The following ARSB variants were observed in gnomAD, a reference collection of about 807,000 sequenced individuals.
The protein encoded by ARSB is arylsulfatase B, also known as N-acetylgalactosamine-4-sulfatase.
Under a neutral mutation model 50.9 loss-of-function variants are expected in ARSB, and 41 were observed. The ratio of observed to expected loss-of-function variants is 0.81; its 90% CI spans 0.63 to 1.04. The LOEUF is 1.04. Ranked by LOEUF, ARSB falls within the 50% of genes least tolerant of loss-of-function variation. The pLI is 0.00. For synonymous variants in ARSB, 269 were observed against 284.8 expected, an observed-to-expected ratio of 0.94 and a Z score of 0.56; for missense variants, 672 against 693.3, an observed-to-expected ratio of 0.97 and a Z score of 0.35.
chr5:78,787,013 T>C (rs1286995339), intron 6 of ARSB, among the ~76,000 whole-genome samples: 1 of 152,206 alleles, frequency 6.6e-6, no homozygotes, highest in East Asian at 1.9e-4. Flanking sequence ...CAAAACCCAA[T>C]TGACCATAAG....
intron 4 of ARSB, among the ~76,000 whole-genome samples, chr5:78,932,057 T>G (rs1056436608): frequency 6.6e-6 from 1 of 152,214 alleles, no homozygotes; most frequent in Non-Finnish European, 1.5e-5. Context: ...CAGGTATTTC[T>G]TTATAGCAGT....
chr5:78,813,427 C>A lies in ARSB; in HGVS notation c.1213+25929G>T, dbSNP rs186151185. 1.4e-3 allele frequency among the ~76,000 whole-genome samples: 213 copies of A among 152,294 alleles called. 1 individual carries two copies. The highest frequency in any genetic ancestry group is 5.0e-3 in the African/African-American group (206 of 41,540). ...ATACAAATTAAACATGAGATATAAT[C>A]TCTACCTGAAGTCATATAGCATTTA... is the stretch of plus-strand genomic sequence containing the variant. On this transcript the variant is annotated intron_variant, in intron 6 of 7. Coordinates refer to ENST00000264914, the MANE Select transcript of ARSB (RefSeq NM_000046.5).
intron 4 of ARSB, among the ~76,000 whole-genome samples, chr5:78,922,578 C>T (rs779889761): frequency 1.1e-4 from 16 of 151,838 alleles, no homozygotes; most frequent in East Asian, 3.9e-4. Context: ...AGGCCTTGAA[C>T]GGGATTCAGA....
intron 4 of ARSB, among the ~76,000 whole-genome samples, chr5:78,898,418 T>C (rs930110020): frequency 6.6e-6 from 1 of 152,300 alleles, no homozygotes; most frequent in South Asian, 2.1e-4. Context: ...TCCCAACTTA[T>C]TCTATGAGGC....
chr5:78,905,344 G>GTTTTTTTTTTTTTTTTTTTTTTTT lies in ARSB; in HGVS notation c.899-19518_899-19517insAAAAAAAAAAAAAAAAAAAAAAAA, dbSNP rs60622885. ...CCTTGAGTACTGCTCGTATTTTCCT[G>GTTTTTTTTTTTTTTTTTTTTTTTT]TTTTTTTTTTTTTGTATAATGAGTA... On this transcript the variant is annotated intron_variant, in intron 4 of 7. Transcript: ENST00000264914. Among the ~76,000 whole-genome samples the GTTTTTTTTTTTTTTTTTTTTTTTT allele has an allele frequency of 5.4e-5, 7 of 130,554 alleles. 2 individuals are homozygous for GTTTTTTTTTTTTTTTTTTTTTTTT. Among genetic ancestry groups the GTTTTTTTTTTTTTTTTTTTTTTTT allele is most frequent in the Non-Finnish European group, 4.8e-5 (3 of 62,444 alleles). The allele number at this position is 130,554 out of a possible 152,430, so 85.6% of individuals were successfully genotyped here. A position where few individuals can be genotyped will look rare whatever the true frequency, so the allele number is the denominator to read the frequency against.
intron 3 of ARSB, among the ~76,000 whole-genome samples, chr5:78,956,175 A>G (rs186824862): frequency 6.6e-6 from 1 of 152,376 alleles, no homozygotes; most frequent in East Asian, 1.9e-4. Flanking sequence ...ATTTTCAGCA[A>G]CATATGGCAA....
At chr5:78,929,612 A>G (rs911314848) in intron 4 of ARSB, among the ~76,000 whole-genome samples, 1 of 151,906 alleles carries the variant, frequency 6.6e-6, no homozygotes, top group Admixed American at 6.6e-5. Context: ...CCCACATAGC[A>G]AAACCCCGTT....
chr5:78,870,173 T>TACCACCAA (rs1747055287), intron 5 of ARSB, among the ~76,000 whole-genome samples: 1 of 148,982 alleles, frequency 6.7e-6, no homozygotes, highest in African/African-American at 2.5e-5. Flanking sequence ...CAATAATCAA[T>TACCACCAA]ATTTTACCAA....
intron 5 of ARSB, among the ~76,000 whole-genome samples, chr5:78,882,025 G>A (rs1419551636): frequency 6.6e-6 from 1 of 152,262 alleles, no homozygotes; most frequent in Non-Finnish European, 1.5e-5. Context: ...CCTGAGTGGG[G>A]AAACCCAGCA....
chr5:78,920,519 G>A (rs1409579177), intron 4 of ARSB, among the ~76,000 whole-genome samples: 1 of 152,180 alleles, frequency 6.6e-6, no homozygotes, highest in Non-Finnish European at 1.5e-5. Flanking sequence ...TACACTGTGA[G>A]ACTTAGGTCT....
At chr5:78,830,484 A>G (rs1744623334) in intron 6 of ARSB, among the ~76,000 whole-genome samples, 1 of 152,162 alleles carries the variant, frequency 6.6e-6, no homozygotes, top group Non-Finnish European at 1.5e-5. Context: ...TGCGTAGCCT[A>G]GGCCAGTGGT....
intron 3 of ARSB, among the ~76,000 whole-genome samples, chr5:78,962,857 T>C (rs1412574214): frequency 6.6e-6 from 1 of 152,230 alleles, no homozygotes; most frequent in Non-Finnish European, 1.5e-5. Context: ...ATGCCAGCAA[T>C]CTGGCATTTA....
At chr5:78,936,902 G>C (rs1420349786) in intron 4 of ARSB, among the ~76,000 whole-genome samples, 1 of 152,178 alleles carries the variant, frequency 6.6e-6, no homozygotes, top group Non-Finnish European at 1.5e-5. Flanking sequence ...ATGGGTACCA[G>C]ATAAGAAGCA....
intron 6 of ARSB, among the ~76,000 whole-genome samples, chr5:78,809,488 G>A (rs1269106483): frequency 2.6e-5 from 4 of 152,276 alleles, no homozygotes; most frequent in Non-Finnish European, 5.9e-5. Flanking sequence ...GCTAAAAAGA[G>A]TGAGGAACAA....
intron 4 of ARSB, among the ~76,000 whole-genome samples, chr5:78,898,541 A>T (rs922561554): frequency 6.6e-6 from 1 of 152,218 alleles, no homozygotes; most frequent in Non-Finnish European, 1.5e-5. Context: ...TTAGCTTTAT[A>T]TAAAAAAACA....
chr5:78,810,557 G>A (rs1022407533), intron 6 of ARSB, among the ~76,000 whole-genome samples: 2 of 152,194 alleles, frequency 1.3e-5, no homozygotes, highest in African/African-American at 4.8e-5. Flanking sequence ...ATGAGAGCTC[G>A]TTTTCTGGGG....
chr5:78,797,037 C>T (rs1743210528), intron 6 of ARSB, among the ~76,000 whole-genome samples: 1 of 152,140 alleles, frequency 6.6e-6, no homozygotes, highest in Admixed American at 6.5e-5. Flanking sequence ...GCCACTATGC[C>T]TGGCTAATTT....
At chr5:78,855,229 G>A (rs1368154534) in intron 5 of ARSB, among the ~76,000 whole-genome samples, 1 of 152,340 alleles carries the variant, frequency 6.6e-6, no homozygotes, top group South Asian at 2.1e-4. Context: ...AGAGGGTGAT[G>A]TGTCATTTCG....
intron 5 of ARSB, among the ~76,000 whole-genome samples, chr5:78,851,442 T>C (rs1290659786): frequency 1.3e-5 from 2 of 152,204 alleles, no homozygotes; most frequent in Non-Finnish European, 2.9e-5. Flanking sequence ...TTATAATTTC[T>C]GTTCTATTAC....
Sources: allele counts gnomAD v4.1 joint callset (sites outside exome capture counted in the v4.1 genomes callset), GRCh38; gene constraint gnomAD v4.1.1; transcripts MANE v1.5; gene names NCBI Gene and HGNC (gene_info 2026-07-23, HGNC 2026-07-21).